MYPN: variants seen among roughly 807,000 people sequenced by gnomAD.
MYPN encodes the protein sarcomeric protein myopalladin, 145 kDa (MYOP).
A neutral mutation model predicts 129.4 loss-of-function variants in MYPN; 63 were observed. That is an observed-to-expected ratio of 0.49 (90% confidence interval 0.40 to 0.60). The LOEUF (loss-of-function observed/expected upper bound fraction) is 0.60. MYPN is among the 20% of genes least tolerant of loss of function. The probability of loss-of-function intolerance (pLI) is 0.00; values close to 1 mark genes in which losing one functional copy is unlikely to be tolerated. For synonymous variants in MYPN, 629 were observed against 600.9 expected (o/e 1.05, Z -0.68); for missense variants, 1,596 against 1,635.4 (o/e 0.98, Z 0.42).
chr10:68,172,816 T>TA (rs1481912278), intron 10 of MYPN, among the ~76,000 whole-genome samples: 1 of 152,132 alleles, frequency 6.6e-6, no homozygotes, highest in Non-Finnish European at 1.5e-5. Flanking sequence ...CTCGCGCCTG[T>TA]AATCCCACCA....
Position 68,176,295 on chromosome 10 carries a change from T to C in MYPN, c.2703+834T>C, listed in dbSNP as rs2043226605. ...AAAGAAAGATAGACTGAACGTTTTC[T>C]TATTTGAGGCATTTATTTTTGCTTT... On this transcript the variant is annotated intron_variant, in intron 12 of 19. Coordinates refer to ENST00000358913, the MANE Select transcript of MYPN (RefSeq NM_032578.4). 3.3e-5 allele frequency among the ~76,000 whole-genome samples: 5 copies of C among 152,238 alleles called. No individual in the cohort carries two copies. In the South Asian group the frequency reaches 1.0e-3, roughly 31 times the overall value.
chr10:68,208,890 C>T (rs1486615171), intron 19 of MYPN, among the ~76,000 whole-genome samples: 3 of 152,086 alleles, frequency 2.0e-5, no homozygotes, highest in Admixed American at 6.6e-5. Context: ...GTTAAGATGT[C>T]AGAGAGAGCC....
At chr10:68,118,327 C>A (rs1039560146) in intron 1 of MYPN, among the ~76,000 whole-genome samples, 12 of 152,120 alleles carry the variant, frequency 7.9e-5, no homozygotes, top group African/African-American at 2.9e-4. Flanking sequence ...TGTTATTAAT[C>A]CTTACTCCCC....
At chr10:68,201,082 C>T (rs1395735772) in intron 17 of MYPN, among the ~76,000 whole-genome samples, 1 of 152,128 alleles carries the variant, frequency 6.6e-6, no homozygotes, top group Non-Finnish European at 1.5e-5. Flanking sequence ...CTGTAGGTGT[C>T]AGATTTTTGT....
Position 68,156,741 on chromosome 10 carries a change from G to A in MYPN, c.1318-1745G>A, listed in dbSNP as rs562037272. On this transcript the variant is annotated intron_variant, in intron 6 of 19. Transcript: ENST00000358913. ...TCAGACAAGAACTGTAAAAAATAACGAAATATTCGTAACAGCGAATGACAA... is the reference window on the plus strand; with the variant it reads ...TCAGACAAGAACTGTAAAAAATAACAAAATATTCGTAACAGCGAATGACAA... Among the ~76,000 whole-genome samples the A allele has an allele frequency of 2.6e-5, 4 of 152,230 alleles. No homozygotes were observed. The South Asian group carries it at 6.2e-4, about 24-fold the overall frequency.
intron 2 of MYPN, chr10:68,135,440 A>T (rs2134038780): frequency 1.0e-6 from 1 of 963,426 alleles, no homozygotes; most frequent in South Asian, 4.8e-5. Context: ...TTATTATCTT[A>T]TTGTCCGATA....
At chr10:68,143,272 T>G (rs1043098851) in intron 3 of MYPN, among the ~76,000 whole-genome samples, 157 bp downstream of exon 3, 1 of 152,160 alleles carries the variant, frequency 6.6e-6, no homozygotes, top group Non-Finnish European at 1.5e-5. Flanking sequence ...GCTCATTTAC[T>G]GATAATTTAC....
In MYPN at chr10:68,109,545, C is replaced by T; in HGVS notation, c.-180C>T. 1 of 454,114 alleles carries T rather than the reference C, an allele frequency of 2.2e-6. No homozygotes were observed. The highest frequency in any genetic ancestry group is 1.6e-5 in the South Asian group (1 of 64,472). 28.1% of individuals were successfully genotyped at this position (454,114 alleles called of 1,614,324 possible). On this transcript the variant is annotated 5_prime_UTR_variant, in exon 1 of 20. Transcript: ENST00000358913. ...AGGTTGTCCAGCTTCTTACAGCCAT[C>T]TTCACTGAAACTAAGGTTAACTCCT...
At chr10:68,161,556 T>C (rs1260217339) in intron 7 of MYPN, among the ~76,000 whole-genome samples, 173 bp from the exon 8 acceptor site, 3 of 152,096 alleles carry the variant, frequency 2.0e-5, no homozygotes, top group Non-Finnish European at 4.4e-5. Flanking sequence ...GCTGCCTTTC[T>C]GTAATATCCA....
chr10:68,187,306 C>CAAAA lies in MYPN; in HGVS notation c.2704-1587_2704-1584dup, dbSNP rs55727861. 4.9e-3 allele frequency among the ~76,000 whole-genome samples: 667 copies of CAAAA among 135,598 alleles called. 7 individuals are homozygous for CAAAA. The highest frequency in any genetic ancestry group is 0.018 in the African/African-American group (634 of 34,892). 89.0% of individuals were successfully genotyped at this position (135,598 alleles called of 152,430 possible). A position where few individuals can be genotyped will look rare whatever the true frequency, so the allele number is the denominator to read the frequency against. On this transcript the variant is annotated intron_variant, in intron 12 of 19. Transcript: ENST00000358913. ...ACAAAACAGAGGGAAGACTCCATCT[C>CAAAA]AAAAAAAAAAAAAAATAGTAACCAT...
intron 6 of MYPN, among the ~76,000 whole-genome samples, chr10:68,153,978 T>C (rs957804283): frequency 6.6e-6 from 1 of 152,080 alleles, no homozygotes; most frequent in Non-Finnish European, 1.5e-5. Context: ...AACTCCTTCC[T>C]CTGCTGGTGA....
At chr10:68,090,694 G>A (rs560023574) in intron 1 of MYPN, among the ~76,000 whole-genome samples, 101 of 152,194 alleles carry the variant, frequency 6.6e-4, no homozygotes, top group Middle Eastern at 3.4e-3. Context: ...CTGGATTATA[G>A]CTAAAATGTT....
intron 2 of MYPN, among the ~76,000 whole-genome samples, chr10:68,142,562 A>G (rs1196188381): frequency 6.6e-6 from 1 of 152,228 alleles, no homozygotes; most frequent in East Asian, 1.9e-4. Context: ...AACCTGTATT[A>G]TCTCTTAGAT....
intron 12 of MYPN, 79 bp downstream of exon 12, chr10:68,175,540 C>A (rs947681861): frequency 6.7e-6 from 10 of 1,481,564 alleles, no homozygotes; most frequent in South Asian, 1.1e-5. Context: ...TCCTCGGATA[C>A]TCAGGTAACC....
At chr10:68,181,721 G>GTAGGCCTGCAGGCCAC (rs368819888) in intron 12 of MYPN, among the ~76,000 whole-genome samples, 1,983 of 152,208 alleles carry the variant, frequency 0.013, 50 homozygotes, top group African/African-American at 0.046. Flanking sequence ...CTGACACACT[G>GTAGGCCTGCAGGCCAC]TCAAGGCAGC....
Position 68,122,262 on chromosome 10 carries a change from T to TA in MYPN, c.825dup (p.Arg276ThrfsTer30). On this transcript the variant is annotated frameshift_variant, in exon 2 of 20. Transcript: ENST00000358913. LOFTEE classifies it high-confidence loss of function. ...CAACCTCCCCGGTTCACTCAAAAGTTACGGAGCAGAGAAGTTCCAGAAGGA... is the reference window on the plus strand; with the variant it reads ...CAACCTCCCCGGTTCACTCAAAAGTTAACGGAGCAGAGAAGTTCCAGAAGGA... 6.2e-7 allele frequency: 1 copy of TA among 1,613,862 alleles called. No individual in the cohort carries two copies. The highest frequency in any genetic ancestry group is 2.2e-5 in the East Asian group (1 of 44,886).
chr10:68,129,055 G>A (rs1430022518), intron 2 of MYPN, among the ~76,000 whole-genome samples: 2 of 151,576 alleles, frequency 1.3e-5, no homozygotes, highest in Admixed American at 6.6e-5. Flanking sequence ...GATTCTAAAA[G>A]CCTCCTAGAG....
At chr10:68,107,185 T>A (rs2042021697), upstream of MYPN, among the ~76,000 whole-genome samples, 1 of 152,184 alleles carries the variant, frequency 6.6e-6, no homozygotes, top group African/African-American at 2.4e-5. Flanking sequence ...AACCAGAGTG[T>A]TCACAATTAC....
intron 18 of MYPN, among the ~76,000 whole-genome samples, chr10:68,203,741 A>AGAGAGAGC (rs1554851578): frequency 4.8e-4 from 72 of 150,570 alleles, no homozygotes; most frequent in East Asian, 3.3e-3. Context: ...AGAGAGAGAG[A>AGAGAGAGC]GAGAGATACA....
Sources: allele counts gnomAD v4.1 joint callset (sites outside exome capture counted in the v4.1 genomes callset), GRCh38; gene constraint gnomAD v4.1.1; transcripts MANE v1.5; gene names NCBI Gene and HGNC (gene_info 2026-07-23, HGNC 2026-07-21).